Variants in GRID2 observed in about 807,000 individuals in gnomAD.
The protein encoded by GRID2 is glutamate receptor ionotropic, delta-2.
GRID2 carries 33 observed loss-of-function variants against 114.8 expected under a neutral mutation model. The observed-to-expected ratio is 0.29, with a 90% CI of 0.22 to 0.38. The LOEUF is 0.38. GRID2 is among the 10% of genes least tolerant of loss of function. The pLI is 1.00. For missense variants in GRID2, 1,184 were observed against 1,257.7 expected, an observed-to-expected ratio of 0.94 and a Z score of 0.89; for synonymous variants, 505 against 449.9, an observed-to-expected ratio of 1.12 and a Z score of -1.55.
At chr4:93,727,489 T>C (rs1188686959) in intron 14 of GRID2, among the ~76,000 whole-genome samples, 4 of 152,220 alleles carry the variant, frequency 2.6e-5, no homozygotes, top group Admixed American at 1.3e-4. Context: ...ATCAGGATGA[T>C]GCTGGCCTCA....
At chr4:93,738,105 A>T (rs1197292980) in intron 14 of GRID2, among the ~76,000 whole-genome samples, 2 of 152,142 alleles carry the variant, frequency 1.3e-5, no homozygotes, top group African/African-American at 4.8e-5. Flanking sequence ...AATATTAGCC[A>T]GGTAAAGAGA....
intron 2 of GRID2, among the ~76,000 whole-genome samples, chr4:92,918,035 G>A (rs1415205765): frequency 6.6e-6 from 1 of 152,076 alleles, no homozygotes; most frequent in Non-Finnish European, 1.5e-5. Context: ...ATTGAGCACT[G>A]GTTTGTAGTT....
intron 4 of GRID2, among the ~76,000 whole-genome samples, chr4:93,137,966 G>GTTTTTTTTTTTTTTTTTT (rs753814961): frequency 1.3e-5 from 1 of 78,380 alleles, no homozygotes; most frequent in Non-Finnish European, 2.4e-5. Flanking sequence ...TTTTTTCTTC[G>GTTTTTTTTTTTTTTTTTT]TTTTTTTTTT....
At chr4:93,110,503 A>C (rs1344371386) in intron 3 of GRID2, among the ~76,000 whole-genome samples, 1 of 152,204 alleles carries the variant, frequency 6.6e-6, no homozygotes, top group Non-Finnish European at 1.5e-5. Flanking sequence ...GATTGACATC[A>C]TTTAGGTTCC....
At chr4:93,568,311 C>A (rs1735624772) in intron 13 of GRID2, among the ~76,000 whole-genome samples, 1 of 152,146 alleles carries the variant, frequency 6.6e-6, no homozygotes, top group Non-Finnish European at 1.5e-5. Context: ...ACATGATTTT[C>A]CCCCTGAGGA....
At chr4:92,401,539 A>T (rs941055240) in intron 1 of GRID2, among the ~76,000 whole-genome samples, 7 of 152,200 alleles carry the variant, frequency 4.6e-5, no homozygotes, top group Non-Finnish European at 8.8e-5. Context: ...ATAATAATAA[A>T]GTGAGTCACA....
chr4:93,622,938 A>T, intron 13 of GRID2, among the ~76,000 whole-genome samples: 1 of 152,080 alleles, frequency 6.6e-6, no homozygotes, highest in East Asian at 1.9e-4. Flanking sequence ...TCTTTTCTTA[A>T]AACTTGGTCT....
chr4:93,015,582 A>G (rs1192257835), intron 2 of GRID2, among the ~76,000 whole-genome samples: 2 of 152,198 alleles, frequency 1.3e-5, no homozygotes, highest in African/African-American at 4.8e-5. Context: ...ATCATGAACA[A>G]GGACCTTCCT....
intron 13 of GRID2, among the ~76,000 whole-genome samples, chr4:93,522,215 AC>A (rs970337268): frequency 2.0e-5 from 3 of 152,176 alleles, no homozygotes. Flanking sequence ...TTCATCCTTG[AC>A]TGCTTGTATT....
intron 1 of GRID2, among the ~76,000 whole-genome samples, chr4:92,372,236 G>A (rs1010915244): frequency 1.3e-5 from 2 of 152,126 alleles, no homozygotes; most frequent in African/African-American, 4.8e-5. Flanking sequence ...AAGCTAGCAT[G>A]GTTTAGAGCA....
intron 13 of GRID2, among the ~76,000 whole-genome samples, chr4:93,557,869 G>A (rs1304281419): frequency 3.3e-5 from 5 of 152,030 alleles, no homozygotes; most frequent in African/African-American, 4.8e-5. Flanking sequence ...GCAAAAGAAT[G>A]GAAATCATAA....
chr4:92,732,139 C>G (rs78811798), intron 2 of GRID2, among the ~76,000 whole-genome samples: 4 of 151,914 alleles, frequency 2.6e-5, no homozygotes, highest in African/African-American at 9.7e-5. Flanking sequence ...GTAGTCAACA[C>G]CCCATCCCAT....
intron 1 of GRID2, among the ~76,000 whole-genome samples, chr4:92,465,971 C>A (rs959165712): frequency 2.0e-5 from 3 of 151,652 alleles, no homozygotes; most frequent in Non-Finnish European, 4.4e-5. Flanking sequence ...TCACAGCCCC[C>A]TTTTTATATT....
intron 2 of GRID2, among the ~76,000 whole-genome samples, chr4:92,903,609 A>T (rs541549737): frequency 1.3e-5 from 2 of 152,058 alleles, no homozygotes; most frequent in East Asian, 3.9e-4. Context: ...TCCGTGGTGA[A>T]CCCCAGTAAT....
chr4:92,987,371 G>A (rs1754568342), intron 2 of GRID2, among the ~76,000 whole-genome samples: 1 of 151,986 alleles, frequency 6.6e-6, no homozygotes, highest in African/African-American at 2.4e-5. Context: ...CAGCCTAAAT[G>A]GTGTACACTC....
At chr4:92,777,910 G>T (rs1213348307) in intron 2 of GRID2, among the ~76,000 whole-genome samples, 1 of 151,962 alleles carries the variant, frequency 6.6e-6, no homozygotes, top group Non-Finnish European at 1.5e-5. Context: ...TGTGGTATTG[G>T]GTATTTTGTT....
intron 10 of GRID2, among the ~76,000 whole-genome samples, chr4:93,423,831 A>G (rs997540961): frequency 1.3e-5 from 2 of 152,100 alleles, no homozygotes; most frequent in Non-Finnish European, 2.9e-5. Flanking sequence ...AAATTATTGA[A>G]TAGTTGGGTT....
At chr4:92,848,211 T>C (rs1372861285) in intron 2 of GRID2, among the ~76,000 whole-genome samples, 4 of 141,886 alleles carry the variant, frequency 2.8e-5, no homozygotes, top group Non-Finnish European at 6.2e-5. Flanking sequence ...CAATCACACA[T>C]TCAGGGATTT....
At chr4:93,800,106 A>T (rs571848889) in intron 1 of GRID2, among the ~76,000 whole-genome samples, 32 of 152,356 alleles carry the variant, frequency 2.1e-4, no homozygotes, top group Admixed American at 7.8e-4. Flanking sequence ...ATTCCTATGT[A>T]ATGTTATAGG....
Sources: gnomAD v4.1 joint callset for allele counts (sites outside exome capture counted in the v4.1 genomes callset) on GRCh38, gnomAD v4.1.1 for gene constraint, MANE v1.5 for transcripts, NCBI Gene and HGNC (gene_info 2026-07-23, HGNC 2026-07-21) for gene names.